Variants in GPM6A observed in about 807,000 individuals in gnomAD.
GPM6A encodes the protein glycoprotein M6A, also known as neuronal membrane glycoprotein M6-a.
In GPM6A, 7 loss-of-function variants were observed where a neutral mutation model predicts 32.1. The observed-to-expected ratio is 0.22, with a 90% CI of 0.12 to 0.41. The LOEUF (loss-of-function observed/expected upper bound fraction) is 0.41. Ranked by LOEUF, GPM6A falls within the 10% of genes least tolerant of loss-of-function variation. The pLI is 1.00. For missense variants in GPM6A, 235 were observed against 347.2 expected (o/e 0.68, Z 2.57); for synonymous variants, 130 against 123.4 (o/e 1.05, Z -0.35).
intron 1 of GPM6A, among the ~76,000 whole-genome samples, chr4:175,919,550 T>C (rs1738601224): frequency 6.6e-6 from 1 of 152,348 alleles, no homozygotes; most frequent in South Asian, 2.1e-4. Flanking sequence ...GGCTTGTAAC[T>C]ACCAGTATGC....
Position 175,931,732 on chromosome 4 carries a change from G to A in GPM6A, c.-23+70577C>T, listed in dbSNP as rs556899020. Among the ~76,000 whole-genome samples, 420 of 143,376 alleles carry A rather than the reference G, an allele frequency of 2.9e-3. 1 individual carries two copies. Among genetic ancestry groups the A allele is most frequent in the Non-Finnish European group, 4.8e-3 (321 of 67,062 alleles). 94.1% of individuals were successfully genotyped at this position (143,376 alleles called of 152,430 possible). ...CACATATATATATATATATATAGCA[G>A]AATTATGCAATGAGAGTAGATAAAC... is the stretch of plus-strand genomic sequence containing the variant. On this transcript the variant is annotated intron_variant, in intron 1 of 7. Coordinates refer to the GPM6A transcript ENST00000280187.
At chr4:175,702,394 A>C (rs1330356936) in intron 1 of GPM6A, among the ~76,000 whole-genome samples, 1 of 152,182 alleles carries the variant, frequency 6.6e-6, no homozygotes, top group Non-Finnish European at 1.5e-5. Flanking sequence ...TAATTTCCCT[A>C]CTATGCTATC....
At chr4:175,775,032 G>A (rs1455418004) in intron 1 of GPM6A, among the ~76,000 whole-genome samples, 1 of 152,108 alleles carries the variant, frequency 6.6e-6, no homozygotes, top group Non-Finnish European at 1.5e-5. Context: ...GTGAACAGAT[G>A]TATGTAGTGC....
chr4:175,936,490 G>A (rs1579643343), intron 1 of GPM6A, among the ~76,000 whole-genome samples: 1 of 151,970 alleles, frequency 6.6e-6, no homozygotes, highest in East Asian at 1.9e-4. Flanking sequence ...AGAGCAGTTG[G>A]GATTGCTCTA....
At chr4:175,668,952 C>T (rs543520262) in intron 3 of GPM6A, among the ~76,000 whole-genome samples, 2 of 152,232 alleles carry the variant, frequency 1.3e-5, no homozygotes, top group South Asian at 4.1e-4. Flanking sequence ...GGACTCTGTG[C>T]CAGATGCTTG....
chr4:175,951,413 A>G (rs962200485), intron 1 of GPM6A, among the ~76,000 whole-genome samples: 2 of 152,198 alleles, frequency 1.3e-5, no homozygotes, highest in Admixed American at 6.5e-5. Context: ...ATGAACAGAC[A>G]GAAAAGGAAA....
chr4:175,931,698 ACAC>A (rs1739047622), intron 1 of GPM6A, among the ~76,000 whole-genome samples: 1 of 149,012 alleles, frequency 6.7e-6, no homozygotes, highest in Admixed American at 6.7e-5. Flanking sequence ...ACACACACAC[ACAC>A]ACACACACAT....
At chr4:175,692,222 G>C (rs1744338395) in intron 2 of GPM6A, among the ~76,000 whole-genome samples, 1 of 152,044 alleles carries the variant, frequency 6.6e-6, no homozygotes, top group Non-Finnish European at 1.5e-5. Flanking sequence ...TGTAATATTT[G>C]TTCTCAGTCT....
In GPM6A at chr4:175,664,187, G is replaced by A. The variant is rs1482061920; in HGVS notation, c.387+9493C>T. 2.3e-4 allele frequency among the ~76,000 whole-genome samples: 35 copies of A among 152,256 alleles called. 1 individual carries two copies. The highest frequency in any genetic ancestry group is 1.5e-5 in the Non-Finnish European group (1 of 68,012). On this transcript the variant is annotated intron_variant, in intron 3 of 6. Transcript: ENST00000393658. ...AATCAGCTGTCTATAGGGGTTGGGG[G>A]TGAGGGAGGGATGAATGGGTGGAGC...
chr4:175,933,229 T>C (rs980017576), intron 1 of GPM6A, among the ~76,000 whole-genome samples: 15 of 152,082 alleles, frequency 9.9e-5, no homozygotes, highest in African/African-American at 3.6e-4. Context: ...AAATGATCAA[T>C]AAGCTCATAA....
chr4:175,891,842 C>G (rs1404684379), intron 1 of GPM6A: 1 of 152,158 alleles, frequency 6.6e-6, no homozygotes, highest in East Asian at 1.9e-4. Flanking sequence ...TTTCAAAGCT[C>G]ATTTAGATAA....
At chr4:175,874,981 GTA>G (rs1737036889) in intron 1 of GPM6A, among the ~76,000 whole-genome samples, 1 of 152,144 alleles carries the variant, frequency 6.6e-6, no homozygotes, top group Admixed American at 6.6e-5. Flanking sequence ...GTGTGTGTGT[GTA>G]TACTGCAACA....
chr4:175,956,859 A>C (rs1192161490), intron 1 of GPM6A, among the ~76,000 whole-genome samples: 1 of 152,232 alleles, frequency 6.6e-6, no homozygotes, highest in African/African-American at 2.4e-5. Flanking sequence ...AAGAATGTCA[A>C]GGCATTCATT....
At chr4:175,977,362 AAT>A (rs1740693399) in intron 1 of GPM6A, among the ~76,000 whole-genome samples, 1 of 152,194 alleles carries the variant, frequency 6.6e-6, no homozygotes, top group African/African-American at 2.4e-5. Flanking sequence ...CATGCTGACA[AAT>A]ACTACAAAAA....
At chr4:175,689,028 C>A (rs1217053530) in intron 2 of GPM6A, among the ~76,000 whole-genome samples, 1 of 151,964 alleles carries the variant, frequency 6.6e-6, no homozygotes, top group Non-Finnish European at 1.5e-5. Flanking sequence ...AATTATTCTA[C>A]TTTTTTTGTA....
intron 1 of GPM6A, among the ~76,000 whole-genome samples, chr4:175,721,148 A>AATATATATATAT (rs3032644): frequency 0.15 from 20,817 of 134,782 alleles, 2,151 homozygotes; most frequent in Admixed American, 0.25. Flanking sequence ...TATATATTCT[A>AATATATATATAT]ATATATATAT....
intron 1 of GPM6A, among the ~76,000 whole-genome samples, chr4:175,778,773 C>T (rs1192995283): frequency 6.7e-6 from 1 of 150,132 alleles, no homozygotes; most frequent in Non-Finnish European, 1.5e-5. Flanking sequence ...TACCTAATGA[C>T]TTTATCTCCT....
At chr4:175,685,257 C>T (rs546336141) in intron 2 of GPM6A, among the ~76,000 whole-genome samples, 33 of 152,218 alleles carry the variant, frequency 2.2e-4, no homozygotes, top group African/African-American at 5.5e-4. Context: ...TGTCCATTGA[C>T]GTTTTATTAG....
chr4:175,749,741 T>C (rs763632335), intron 1 of GPM6A, among the ~76,000 whole-genome samples: 4 of 152,174 alleles, frequency 2.6e-5, no homozygotes, highest in Admixed American at 1.3e-4. Context: ...TCACCCTTAC[T>C]TTTTTATATT....
Sources: gnomAD v4.1 joint callset for allele counts (sites outside exome capture counted in the v4.1 genomes callset) on GRCh38, gnomAD v4.1.1 for gene constraint, MANE v1.5 for transcripts, NCBI Gene and HGNC (gene_info 2026-07-23, HGNC 2026-07-21) for gene names.